Variants in NECTIN1 observed in about 807,000 individuals in gnomAD.
NECTIN1 encodes the protein nectin cell adhesion molecule 1.
In NECTIN1, 23 loss-of-function variants were observed where a neutral mutation model predicts 48.0. The observed-to-expected ratio is 0.48, with a 90% CI of 0.34 to 0.68. NECTIN1 has a LOEUF of 0.68. NECTIN1 is among the 30% of genes least tolerant of loss of function. NECTIN1 has a pLI of 0.01. For synonymous variants in NECTIN1, 270 were observed against 288.9 expected (o/e 0.93, Z 0.66); for missense variants, 591 against 709.9 (o/e 0.83, Z 1.90).
At chr11:119,653,700 T>C (rs1224979122) in intron 5 of NECTIN1, among the ~76,000 whole-genome samples, 1 of 152,126 alleles carries the variant, frequency 6.6e-6, no homozygotes, top group African/African-American at 2.4e-5. Context: ...GTGGTGAAAA[T>C]AACAATAAGT....
Position 119,638,317 on chromosome 11 carries a change from C to T in NECTIN1, c.1228-70G>A, listed in dbSNP as rs1420855654. On this transcript the variant is annotated intron_variant, in intron 7 of 7. Coordinates refer to the NECTIN1 transcript ENST00000341398. Reference sequence around the variant, plus strand: ...CTGCTCCAGGTGGCCCTCATGGACTCCCAGTTGGATTGGGACTCCTCAGTT... The same window carrying T: ...CTGCTCCAGGTGGCCCTCATGGACTTCCAGTTGGATTGGGACTCCTCAGTT... 6 of 1,582,068 alleles carry T rather than the reference C, an allele frequency of 3.8e-6. No individual in the cohort carries two copies. The African/African-American group carries it at 6.7e-5, about 18-fold the overall frequency.
At chr11:119,669,236 A>C (rs923945138) in intron 5 of NECTIN1, among the ~76,000 whole-genome samples, 1 of 152,182 alleles carries the variant, frequency 6.6e-6, no homozygotes, top group Non-Finnish European at 1.5e-5. Context: ...ACATGGTGAA[A>C]CCTCGTCTCT....
intron 1 of NECTIN1, among the ~76,000 whole-genome samples, chr11:119,696,094 T>A (rs1865336857): frequency 6.6e-6 from 1 of 152,172 alleles, no homozygotes; most frequent in Non-Finnish European, 1.5e-5. Flanking sequence ...GGTGTCTGGG[T>A]AAGTCTATAC....
chr11:119,668,330 C>G (rs1216321033), intron 5 of NECTIN1, among the ~76,000 whole-genome samples: 1 of 152,198 alleles, frequency 6.6e-6, no homozygotes, highest in Non-Finnish European at 1.5e-5. Context: ...TGAATCACCC[C>G]ACCCGCAGTC....
chr11:119,660,470 T>C (rs1458316026), downstream of NECTIN1, among the ~76,000 whole-genome samples: 2 of 151,920 alleles, frequency 1.3e-5, no homozygotes, highest in African/African-American at 2.4e-5. Context: ...AGCTTCGAAA[T>C]AGAAGATGAA....
rs1351679476 is a variant in NECTIN1 at position 119,648,264 on chromosome 11, A to AGTGGTG, written c.1004-8258_1004-8253dup. Among the ~76,000 whole-genome samples, 6 of 29,754 alleles carry AGTGGTG rather than the reference A, an allele frequency of 2.0e-4. 2 individuals are homozygous for AGTGGTG. The highest frequency in any genetic ancestry group is 3.6e-4 in the African/African-American group (2 of 5,514). The allele number at this position is 29,754 out of a possible 152,430, so 19.5% of individuals were successfully genotyped here. A position where few individuals can be genotyped will look rare whatever the true frequency, so the allele number is the denominator to read the frequency against. On this transcript the variant is annotated intron_variant, in intron 5 of 7. Coordinates refer to the NECTIN1 transcript ENST00000341398. Reference sequence around the variant, plus strand: ...TAGTGGTGGTGATAGAGGTGGTAATAGTGGTGGTGGTGATGGTGGTGGTGA... The same window carrying AGTGGTG: ...TAGTGGTGGTGATAGAGGTGGTAATAGTGGTGGTGGTGGTGGTGATGGTGGTGGTGA...
At chr11:119,674,523 C>G (rs763918098) in intron 5 of NECTIN1, 6 of 1,612,024 alleles carry the variant, frequency 3.7e-6, no homozygotes, top group East Asian at 2.2e-5. Context: ...GTGGGGGGGG[C>G]CCTGTCCAGG....
At chr11:119,658,795 C>G (rs931427343), downstream of NECTIN1, among the ~76,000 whole-genome samples, 10 of 152,184 alleles carry the variant, frequency 6.6e-5, no homozygotes, top group African/African-American at 2.4e-4. Context: ...CCCCAGGAGT[C>G]AGGCCGGTGC....
At chr11:119,719,080 A>C (rs1034208708) in intron 1 of NECTIN1, among the ~76,000 whole-genome samples, 7 of 152,196 alleles carry the variant, frequency 4.6e-5, no homozygotes, top group African/African-American at 1.7e-4. Context: ...CTTCAGGAGG[A>C]TAAGTGTGGA....
Position 119,664,800 on chromosome 11 carries a change from T to G in NECTIN1, c.1501A>C (p.Met501Leu), listed in dbSNP as rs1414132172. Residue 501 changes from methionine to leucine, a missense_variant, in exon 6 of 6, where the codon ATG becomes CTG. Met to Leu is a conservative substitution (Grantham distance 15). Transcript: ENST00000264025. ...DPEQLDLAEN[M>L]VSQNDGSFIS... ...AAAGACCCGTCGTTCTGAGAAACCATGTTCTCAGCCAAGTCCAGCTGCTCA... is the reference window on the plus strand; with the variant it reads ...AAAGACCCGTCGTTCTGAGAAACCAGGTTCTCAGCCAAGTCCAGCTGCTCA... 1 of 1,613,472 alleles carries G rather than the reference T, an allele frequency of 6.2e-7. No individual in the cohort carries two copies. Among genetic ancestry groups the G allele is most frequent in the South Asian group, 1.1e-5 (1 of 90,996 alleles).
Position 119,663,462 on chromosome 11 carries a change from G to C in NECTIN1, c.*1285C>G. On this transcript the variant is annotated 3_prime_UTR_variant, in exon 6 of 6. Transcript: ENST00000264025. Reference sequence around the variant, plus strand: ...CCCAGAATGAGGACCAGGGGTGGCTGAGCAGGAGGTGGCCTAGCGGCCCCA... The same window carrying C: ...CCCAGAATGAGGACCAGGGGTGGCTCAGCAGGAGGTGGCCTAGCGGCCCCA... 1.0e-6 allele frequency: 1 copy of C among 985,534 alleles called. No homozygotes were observed. The highest frequency in any genetic ancestry group is 4.7e-5 in the South Asian group (1 of 21,294). 61.0% of individuals were successfully genotyped at this position (985,534 alleles called of 1,614,324 possible). A position where few individuals can be genotyped will look rare whatever the true frequency, so the allele number is the denominator to read the frequency against.
intron 1 of NECTIN1, among the ~76,000 whole-genome samples, chr11:119,695,362 A>G (rs1865325475): frequency 6.6e-6 from 1 of 150,820 alleles, no homozygotes; most frequent in South Asian, 2.1e-4. Flanking sequence ...CCACCCTTCA[A>G]CACTCAGGTC....
intron 7 of NECTIN1, chr11:119,638,671 C>A: frequency 6.8e-7 from 1 of 1,468,338 alleles, no homozygotes; most frequent in Non-Finnish European, 9.4e-7. Context: ...TTGGGGCCAT[C>A]TCCCATTTTT....
chr11:119,691,204 A>G (rs981964291), intron 1 of NECTIN1, among the ~76,000 whole-genome samples: 9 of 152,264 alleles, frequency 5.9e-5, no homozygotes, highest in African/African-American at 2.2e-4. Flanking sequence ...CATGACCCCA[A>G]CTCTAGTGTT....
intron 5 of NECTIN1, chr11:119,654,244 TATTCATCC>T (rs1864533831): frequency 7.5e-6 from 1 of 134,190 alleles, no homozygotes; most frequent in Non-Finnish European, 1.6e-5. Flanking sequence ...CCCATCTGAA[TATTCATCC>T]ATCCATCCAT....
At chr11:119,685,809 C>T (rs75967483) in intron 1 of NECTIN1, among the ~76,000 whole-genome samples, 5,942 of 152,298 alleles carry the variant, frequency 0.039, 184 homozygotes, top group South Asian at 0.081. Context: ...CTGAGAGAGG[C>T]GAGCTCTGGT....
In NECTIN1 at chr11:119,686,118, C is replaced by T. The variant is rs139413009; in HGVS notation, c.80-7353G>A. The stretch of plus-strand genomic sequence containing the variant: ...AAAGCTGGAGCACACAGGGACTCTC[C>T]TACAGTCAAGTAATCACCAAGTCTT... On this transcript the variant is annotated intron_variant, in intron 1 of 5. Coordinates refer to ENST00000264025, the MANE Select transcript of NECTIN1 (RefSeq NM_002855.5). Among the ~76,000 whole-genome samples the T allele has an allele frequency of 6.4e-3, 972 of 152,288 alleles. 10 individuals carry two copies. Among genetic ancestry groups the T allele is most frequent in the African/African-American group, 0.023 (942 of 41,558 alleles).
chr11:119,694,589 G>A (rs894881195), intron 1 of NECTIN1, among the ~76,000 whole-genome samples: 11 of 152,172 alleles, frequency 7.2e-5, no homozygotes, highest in East Asian at 1.9e-4. Flanking sequence ...GCTCACAGCC[G>A]CCTGCCTTGG....
intron 1 of NECTIN1, among the ~76,000 whole-genome samples, chr11:119,717,627 C>T (rs556444481): frequency 2.6e-5 from 4 of 152,316 alleles, no homozygotes; most frequent in Admixed American, 1.3e-4. Flanking sequence ...GATGCCTGTC[C>T]CTGCCTCCGC....
Sources: allele counts gnomAD v4.1 joint callset (sites outside exome capture counted in the v4.1 genomes callset), GRCh38; gene constraint gnomAD v4.1.1; transcripts MANE v1.5; gene names NCBI Gene and HGNC (gene_info 2026-07-23, HGNC 2026-07-21).